Variants in NXPE2 observed in about 807,000 individuals in gnomAD.
NXPE2 encodes the protein neurexophilin and PC-esterase domain family member 2.
Under a neutral mutation model 34.4 loss-of-function variants are expected in NXPE2, and 34 were observed. That is an observed-to-expected ratio of 0.99 (90% CI 0.75 to 1.31). NXPE2 has a LOEUF of 1.31. Among genes scored for constraint, NXPE2 ranks in the 40% most tolerant of loss-of-function variants. NXPE2 has a pLI of 0.00. For synonymous variants in NXPE2, 235 were observed against 231.3 expected (o/e 1.02, Z -0.15); for missense variants, 649 against 672.5 (o/e 0.97, Z 0.39).
chr11:114,674,661 C>G (rs752645599), upstream of NXPE2, among the ~76,000 whole-genome samples: 1 of 151,510 alleles, frequency 6.6e-6, no homozygotes, highest in Non-Finnish European at 1.5e-5. Context: ...AAACAATGAA[C>G]AAAACTGTTC....
chr11:114,638,927 C>T, the NXPE2 span, among the ~76,000 whole-genome samples: 908 of 144,894 alleles, frequency 6.3e-3, 11 homozygotes, highest in Non-Finnish European at 0.01. Context: ...CAGGGACCCA[C>T]TTGAGGAGGC....
the NXPE2 span, among the ~76,000 whole-genome samples, chr11:114,589,585 T>TTA: frequency 6.6e-6 from 1 of 152,150 alleles, no homozygotes; most frequent in African/African-American, 2.4e-5. Flanking sequence ...GCCAGCATAC[T>TTA]TATAGCCCCA....
At chr11:114,503,715 T>C in the NXPE2 span, among the ~76,000 whole-genome samples, 1 of 152,230 alleles carries the variant, frequency 6.6e-6, no homozygotes, top group Non-Finnish European at 1.5e-5. Flanking sequence ...ATAGAGAAAT[T>C]GGCAGGGAGG....
chr11:114,606,568 C>G, the NXPE2 span, among the ~76,000 whole-genome samples: 1 of 151,824 alleles, frequency 6.6e-6, no homozygotes, highest in South Asian at 2.1e-4. Context: ...ACCACTGTTA[C>G]CTGGTTTATT....
the NXPE2 span, among the ~76,000 whole-genome samples, chr11:114,767,770 A>C: frequency 6.6e-6 from 1 of 152,048 alleles, no homozygotes; most frequent in Non-Finnish European, 1.5e-5. Flanking sequence ...GAAAATCTAA[A>C]ACTCCCTTTC....
chr11:114,561,568 T>C, the NXPE2 span, among the ~76,000 whole-genome samples: 1 of 152,214 alleles, frequency 6.6e-6, no homozygotes, highest in Non-Finnish European at 1.5e-5. Flanking sequence ...TTTTTCTTCC[T>C]AAATAGATGA....
the NXPE2 span, among the ~76,000 whole-genome samples, chr11:114,804,770 G>C: frequency 1.3e-5 from 2 of 152,102 alleles, no homozygotes; most frequent in East Asian, 3.9e-4. Flanking sequence ...TAATATTGTT[G>C]TGTCCTTGTA....
chr11:114,735,118 AT>A, the NXPE2 span, among the ~76,000 whole-genome samples: 4 of 152,068 alleles, frequency 2.6e-5, no homozygotes, highest in Non-Finnish European at 5.9e-5. Flanking sequence ...TCAAATAATA[AT>A]AATAATAATA....
the NXPE2 span, among the ~76,000 whole-genome samples, chr11:114,546,237 G>T: frequency 6.6e-6 from 1 of 152,148 alleles, no homozygotes; most frequent in Non-Finnish European, 1.5e-5. Flanking sequence ...GTATGTGTAT[G>T]CTGGGAGATG....
chr11:114,560,193 C>T, the NXPE2 span, among the ~76,000 whole-genome samples: 6 of 151,918 alleles, frequency 3.9e-5, no homozygotes, highest in South Asian at 2.1e-4. Context: ...TGAAGTCTCA[C>T]GACAACTCCA....
chr11:114,649,361 C>T, the NXPE2 span, among the ~76,000 whole-genome samples: 4 of 152,086 alleles, frequency 2.6e-5, no homozygotes, highest in African/African-American at 7.2e-5. Context: ...AATGGATAGA[C>T]ACAATGTGGC....
At chr11:114,511,348 G>A in the NXPE2 span, among the ~76,000 whole-genome samples, 4 of 152,146 alleles carry the variant, frequency 2.6e-5, no homozygotes, top group African/African-American at 4.8e-5. Flanking sequence ...CTGGAACACA[G>A]TTGCATAGCC....
At chr11:114,527,211 T>A in the NXPE2 span, 1 of 152,404 alleles carries the variant, frequency 6.6e-6, no homozygotes, top group Non-Finnish European at 1.5e-5. Flanking sequence ...TGTTATGACA[T>A]CAGCACATTA....
the NXPE2 span, chr11:114,552,759 A>G: frequency 7.4e-6 from 3 of 403,818 alleles, no homozygotes; most frequent in African/African-American, 2.2e-5. Flanking sequence ...TTGAAAAAAA[A>G]GTATGATTGC....
chr11:114,495,972 G>C, the NXPE2 span, among the ~76,000 whole-genome samples: 1 of 152,088 alleles, frequency 6.6e-6, no homozygotes, highest in African/African-American at 2.4e-5. Context: ...GCACTGCTTG[G>C]GGTTGGGAGA....
At chr11:114,513,372 C>T in the NXPE2 span, 1 of 404,740 alleles carries the variant, frequency 2.5e-6, no homozygotes, top group African/African-American at 2.1e-5. Context: ...GCTGAAACTT[C>T]TGGACACAGT....
At chr11:114,688,557 T>A (rs1951088655) in intron 2 of NXPE2, among the ~76,000 whole-genome samples, 1 of 152,072 alleles carries the variant, frequency 6.6e-6, no homozygotes, top group African/African-American at 2.4e-5. Flanking sequence ...TTGTTGGTGT[T>A]GTGTCTTTGC....
the NXPE2 span, among the ~76,000 whole-genome samples, chr11:114,762,810 T>G: frequency 6.6e-6 from 1 of 152,134 alleles, no homozygotes; most frequent in Non-Finnish European, 1.5e-5. Flanking sequence ...AATGGCACAT[T>G]CAGAAGCTGC....
At chr11:114,628,806 T>A in the NXPE2 span, among the ~76,000 whole-genome samples, 1 of 150,808 alleles carries the variant, frequency 6.6e-6, no homozygotes, top group African/African-American at 2.4e-5. Flanking sequence ...GAGAGAAGAA[T>A]CAAATAGACG....
Sources: allele counts gnomAD v4.1 joint callset (sites outside exome capture counted in the v4.1 genomes callset), GRCh38; gene constraint gnomAD v4.1.1; transcripts MANE v1.5; gene names NCBI Gene and HGNC (gene_info 2026-07-23, HGNC 2026-07-21).